REM1: variants seen among roughly 807,000 people sequenced by gnomAD.
REM1 encodes the protein GTP-binding protein REM 1.
In REM1, 20 loss-of-function variants were observed where a neutral mutation model predicts 27.0. The observed-to-expected ratio is 0.74, with a 90% CI of 0.52 to 1.08. The LOEUF (loss-of-function observed/expected upper bound fraction) is 1.08. REM1 is among the 50% of genes least tolerant of loss of function. The pLI is 0.00. For missense variants in REM1, 405 were observed against 407.0 expected (o/e 1.00, Z 0.04); for synonymous variants, 159 against 167.9 (o/e 0.95, Z 0.41).
intron 4 of REM1, among the ~76,000 whole-genome samples, chr20:31,483,123 A>C (rs1980791227): frequency 6.6e-6 from 1 of 152,168 alleles, no homozygotes; most frequent in Non-Finnish European, 1.5e-5. Context: ...AACATGGTGA[A>C]ACCCCATCTC....
Position 31,484,809 on chromosome 20 carries a change from ACTGCCCTC to A in REM1, c.*381_*388del. 5.1e-6 allele frequency: 1 copy of A among 197,460 alleles called. No homozygotes were observed. Among genetic ancestry groups the A allele is most frequent in the South Asian group, 1.8e-4 (1 of 5,642 alleles). 12.2% of individuals were successfully genotyped at this position (197,460 alleles called of 1,614,324 possible). On this transcript the variant is annotated 3_prime_UTR_variant, in exon 5 of 5. Coordinates refer to ENST00000201979, the MANE Select transcript of REM1 (RefSeq NM_014012.6). ...TCGGCTCTTCCAGGCGTCTCCACCT[ACTGCCCTC>A]CCATCTACACTTGACTGTAGACTGG...
chr20:31,478,417 A>C (rs1355229904), intron 3 of REM1, among the ~76,000 whole-genome samples: 5 of 152,216 alleles, frequency 3.3e-5, no homozygotes, highest in African/African-American at 1.2e-4. Context: ...AGTTTAAAGC[A>C]TGAAAAACTG....
chr20:31,477,210 TC>T (rs1980544822), intron 2 of REM1, among the ~76,000 whole-genome samples: 1 of 151,936 alleles, frequency 6.6e-6, no homozygotes, highest in Admixed American at 6.6e-5. Flanking sequence ...AAAACTAAGA[TC>T]CTTTGCAGAA....
Position 31,482,356 on chromosome 20 carries a change from G to A in REM1, c.493G>A (p.Asp165Asn). 2 of 1,614,146 alleles carry A rather than the reference G, an allele frequency of 1.2e-6. No homozygotes were observed. Among genetic ancestry groups the A allele is most frequent in the Non-Finnish European group, 1.7e-6 (2 of 1,180,030 alleles). The change falls in exon 4 of 5, where the codon GAC becomes AAC. Residue 165 changes from aspartate (D) to asparagine (N), a missense_variant. Asp to Asn is a conservative substitution (Grantham distance 23). Coordinates refer to ENST00000201979, the MANE Select transcript of REM1 (RefSeq NM_014012.6). ...SAYVIVYSIADRGSFESASEL... is the reference protein window; with the variant it reads ...SAYVIVYSIANRGSFESASEL... ...CTATGTCATCGTATACTCCATCGCAGACCGAGGCAGCTTTGAGAGTGCCTC... is the reference window on the plus strand; with the variant it reads ...CTATGTCATCGTATACTCCATCGCAAACCGAGGCAGCTTTGAGAGTGCCTC...
In REM1 at chr20:31,484,792, T is replaced by TTTTTTTGATG; in HGVS notation, c.*362_*363insTTTTTTGATG. 4.3e-6 allele frequency: 1 copy of TTTTTTTGATG among 232,506 alleles called. No homozygotes were observed. The highest frequency in any genetic ancestry group is 8.3e-6 in the Non-Finnish European group (1 of 120,504). The allele number at this position is 232,506 out of a possible 1,614,324, so 14.4% of individuals were successfully genotyped here. On this transcript the variant is annotated 3_prime_UTR_variant, in exon 5 of 5. Coordinates refer to ENST00000201979, the MANE Select transcript of REM1 (RefSeq NM_014012.6). ...GCCCAGACCTCTCCATCTCGGCTCT[T>TTTTTTTGATG]CCAGGCGTCTCCACCTACTGCCCTC...
chr20:31,477,975 C>A, intron 3 of REM1, 65 bp downstream of exon 3: 2 of 1,016,936 alleles, frequency 2.0e-6, no homozygotes, highest in South Asian at 1.3e-5. Context: ...TCCTTCCTGT[C>A]CCCTCCTGGG....
chr20:31,477,704 G>A (rs1245292656), intron 2 of REM1, 124 bp from the exon 3 acceptor site: 1 of 671,862 alleles, frequency 1.5e-6, no homozygotes, highest in Non-Finnish European at 2.7e-6. Context: ...CATCAAACAA[G>A]TGTGATAAGC....
chr20:31,479,026 G>A (rs1980627303), intron 3 of REM1, among the ~76,000 whole-genome samples: 1 of 151,974 alleles, frequency 6.6e-6, no homozygotes, highest in Admixed American at 6.6e-5. Flanking sequence ...GTAGAGACAG[G>A]GTTTCATCAT....
chr20:31,483,768 GACA>G (rs957915306), intron 4 of REM1, among the ~76,000 whole-genome samples: 1 of 105,814 alleles, frequency 9.5e-6, no homozygotes, highest in African/African-American at 4.7e-5. Context: ...TTTGTGAACA[GACA>G]TCCAAAAAAA....
Position 31,482,410 on chromosome 20 carries a change from C to T in REM1, c.547C>T (p.His183Tyr). 1 of 1,614,200 alleles carries T rather than the reference C, an allele frequency of 6.2e-7. No individual in the cohort carries two copies. The highest frequency in any genetic ancestry group is 8.5e-7 in the Non-Finnish European group (1 of 1,180,032). The change falls in exon 4 of 5, where the codon CAT (histidine) becomes TAT (tyrosine). Residue 183 changes from histidine to tyrosine, a missense_variant. Physicochemically the swap from His to Tyr is moderately conservative, Grantham distance 83 (BLOSUM62 2). Coordinates refer to ENST00000201979, the MANE Select transcript of REM1 (RefSeq NM_014012.6). ...GCTCCGCATCCAGCTGCGGCGCACACATCAGGCAGACCATGTGCCCATCAT... is the reference window on the plus strand; with the variant it reads ...GCTCCGCATCCAGCTGCGGCGCACATATCAGGCAGACCATGTGCCCATCAT... ...SELRIQLRRT[H>Y]QADHVPIILV...
chr20:31,477,720 CGAGGACAAGTG>C (rs1980567483), intron 2 of REM1, 97 bp from the exon 3 acceptor site: 4 of 761,234 alleles, frequency 5.3e-6, no homozygotes, highest in African/African-American at 3.4e-5. Context: ...TAAGCGTTTC[CGAGGACAAGTG>C]GAGGGGGCGA....
Position 31,476,384 on chromosome 20 carries a change from A to C in REM1, c.-62A>C. ...AGAAGCAGCTCAAAGCAATTGGCTG[A>C]CAGCCAATTCCCCCTTCTTTCAGAA... On this transcript the variant is annotated 5_prime_UTR_variant, in exon 2 of 5. Transcript: ENST00000201979. 7.5e-7 allele frequency: 1 copy of C among 1,336,396 alleles called. No individual in the cohort carries two copies. The highest frequency in any genetic ancestry group is 2.3e-5 in the East Asian group (1 of 43,270). 82.8% of individuals were successfully genotyped at this position (1,336,396 alleles called of 1,614,324 possible).
chr20:31,477,611 A>G (rs561789585), intron 2 of REM1, among the ~76,000 whole-genome samples: 1 of 152,244 alleles, frequency 6.6e-6, no homozygotes, highest in South Asian at 2.1e-4. Flanking sequence ...CCTTCATTCA[A>G]TCAATCAAAT....
At chr20:31,480,142 G>A (rs897978756) in intron 3 of REM1, among the ~76,000 whole-genome samples, 2 of 151,670 alleles carry the variant, frequency 1.3e-5, no homozygotes, top group East Asian at 1.9e-4. Flanking sequence ...CCTCACCCTG[G>A]CCCTCACCCT....
At position 31,476,418 on chromosome 20, in the gene REM1, G is replaced by A. The variant is rs1980499544; in HGVS notation, c.-28G>A. 1 of 1,515,556 alleles carries A rather than the reference G, an allele frequency of 6.6e-7. No homozygotes were observed. Among genetic ancestry groups the A allele is most frequent in the African/African-American group, 1.4e-5 (1 of 71,426 alleles). The allele number at this position is 1,515,556 out of a possible 1,614,324, so 93.9% of individuals were successfully genotyped here. On this transcript the variant is annotated 5_prime_UTR_variant, in exon 2 of 5. Coordinates refer to ENST00000201979, the MANE Select transcript of REM1 (RefSeq NM_014012.6). ...TCCCCCTTCTTTCAGAAGGAAAGAA[G>A]GAAGAAGCAAACCCCCCCCTACCAA... is the stretch of plus-strand genomic sequence containing the variant.
intron 3 of REM1, among the ~76,000 whole-genome samples, chr20:31,479,990 A>G (rs1000921203): frequency 2.0e-5 from 3 of 152,062 alleles, no homozygotes; most frequent in Non-Finnish European, 4.4e-5. Context: ...TCAGGAGGCT[A>G]AGGCGGGAGA....
chr20:31,481,192 G>A (rs1168637813), intron 3 of REM1, among the ~76,000 whole-genome samples: 3 of 152,126 alleles, frequency 2.0e-5, no homozygotes, highest in Non-Finnish European at 2.9e-5. Flanking sequence ...AGAATCACTT[G>A]AACCTGGGAG....
At chr20:31,481,994 A>G (rs1980749175) in intron 3 of REM1, among the ~76,000 whole-genome samples, 1 of 152,248 alleles carries the variant, frequency 6.6e-6, no homozygotes, top group Non-Finnish European at 1.5e-5. Context: ...TAGCAGGAAC[A>G]GGAACCAAGT....
intron 3 of REM1, among the ~76,000 whole-genome samples, chr20:31,480,919 T>C (rs1482405413): frequency 6.6e-6 from 1 of 152,154 alleles, no homozygotes; most frequent in African/African-American, 2.4e-5. Context: ...GACAATGACA[T>C]TGACCACGAA....
Sources: gnomAD v4.1 joint callset for allele counts (sites outside exome capture counted in the v4.1 genomes callset) on GRCh38, gnomAD v4.1.1 for gene constraint, MANE v1.5 for transcripts, NCBI Gene and HGNC (gene_info 2026-07-23, HGNC 2026-07-21) for gene names.